CUL1: variants seen among roughly 807,000 people sequenced by gnomAD.
The protein encoded by CUL1 is cullin-1.
Under a neutral mutation model 118.0 loss-of-function variants are expected in CUL1, and 24 were observed. That is an observed-to-expected ratio of 0.20 (90% CI 0.15 to 0.29). The LOEUF is 0.29. CUL1 is among the 10% of genes least tolerant of loss of function. The pLI is 1.00. For synonymous variants in CUL1, 332 were observed against 340.4 expected (o/e 0.98, Z 0.27); for missense variants, 361 against 933.8 (o/e 0.39, Z 7.99).
intron 11 of CUL1, among the ~76,000 whole-genome samples, chr7:148,785,286 T>C (rs1800777531): frequency 6.6e-6 from 1 of 152,108 alleles, no homozygotes; most frequent in African/African-American, 2.4e-5. Context: ...CTTGGTTTCA[T>C]TTTAGGGGGC....
intron 2 of CUL1, among the ~76,000 whole-genome samples, chr7:148,730,972 T>G (rs1780413791): frequency 1.3e-5 from 2 of 152,146 alleles, no homozygotes; most frequent in South Asian, 4.1e-4. Flanking sequence ...CCACCACACC[T>G]GGCCAATTTT....
At chr7:148,756,588 C>T (rs946401821) in intron 3 of CUL1, among the ~76,000 whole-genome samples, 17 of 152,112 alleles carry the variant, frequency 1.1e-4, no homozygotes, top group African/African-American at 2.4e-4. Flanking sequence ...CTGCCCACCT[C>T]GGCCTCCCAA....
At chr7:148,763,024 G>A (rs1393406012) in intron 7 of CUL1, among the ~76,000 whole-genome samples, 1 of 152,124 alleles carries the variant, frequency 6.6e-6, no homozygotes, top group Admixed American at 6.5e-5. Context: ...GCGGACGCCT[G>A]TTATCCCAGC....
At position 148,760,526 on chromosome 7, in the gene CUL1, CTT is replaced by C. The variant is rs765252139; in HGVS notation, c.789+31_789+32del. 17 of 1,518,904 alleles carry C rather than the reference CTT, an allele frequency of 1.1e-5. No individual in the cohort carries two copies. The South Asian group carries it at 2.1e-4, about 19-fold the overall frequency. The allele number at this position is 1,518,904 out of a possible 1,614,324, so 94.1% of individuals were successfully genotyped here. A position where few individuals can be genotyped will look rare whatever the true frequency, so the allele number is the denominator to read the frequency against. ...GCTTAAATATAGTACTTTAAGTAGA[CTT>C]AAGTTAAAGTCATTGCTACTCAAGT... On this transcript the variant is annotated intron_variant, in intron 7 of 21. Coordinates refer to ENST00000325222, the MANE Select transcript of CUL1 (RefSeq NM_003592.3).
At chr7:148,783,718 A>G (rs772981919) in intron 9 of CUL1, 65 bp from the exon 10 acceptor site, 1 of 1,582,572 alleles carries the variant, frequency 6.3e-7, no homozygotes, top group Admixed American at 1.7e-5. Flanking sequence ...CATGCATTGT[A>G]TACCTTAATA....
chr7:148,766,667 A>G lies in CUL1; in HGVS notation c.896A>G (p.His299Arg). The change falls in exon 8 of 22, where the codon CAC becomes CGC. Residue 299 changes from histidine (H) to arginine (R), a missense_variant. His to Arg is a conservative substitution (Grantham distance 29, BLOSUM62 0). This residue lies in a region of CUL1 where 169 missense variants were observed against 429.7 expected (regional missense o/e 0.39). Transcript: ENST00000325222. Reference protein sequence around the residue: ...RKCEQVLIEKHLEIFHTEFQN... With the variant: ...RKCEQVLIEKRLEIFHTEFQN... ...TGTGAACAAGTCCTCATTGAAAAAC[A>G]CTTGGAAATTTTCCACACAGAATTT... is the stretch of plus-strand genomic sequence containing the variant. 1 of 1,613,730 alleles carries G rather than the reference A, an allele frequency of 6.2e-7. No homozygotes were observed. The highest frequency in any genetic ancestry group is 8.5e-7 in the Non-Finnish European group (1 of 1,179,902).
intron 21 of CUL1, among the ~76,000 whole-genome samples, chr7:148,799,965 C>G (rs1401962674): frequency 1.3e-5 from 2 of 152,012 alleles, no homozygotes; most frequent in East Asian, 3.9e-4. Flanking sequence ...AAAATGGTAA[C>G]TAAGCAGGAC....
chr7:148,755,931 G>A (rs955901508), intron 3 of CUL1, among the ~76,000 whole-genome samples: 2 of 152,158 alleles, frequency 1.3e-5, no homozygotes, highest in African/African-American at 4.8e-5. Flanking sequence ...CAGTGGGCTC[G>A]CCCCAGCCCT....
At chr7:148,752,753 A>G (rs1007691393) in intron 2 of CUL1, among the ~76,000 whole-genome samples, 1 of 152,144 alleles carries the variant, frequency 6.6e-6, no homozygotes, top group African/African-American at 2.4e-5. Flanking sequence ...GGTTCATGCC[A>G]TTCTCCTGCC....
chr7:148,729,905 T>C (rs918828141), intron 1 of CUL1, 57 bp from the exon 2 acceptor site: 7 of 491,830 alleles, frequency 1.4e-5, no homozygotes, highest in Non-Finnish European at 2.1e-5. Context: ...TCAGTGTGTC[T>C]CACCTTATTA....
Position 148,788,546 on chromosome 7 carries a change from G to A in CUL1, c.1480-11G>A. On this transcript the variant is annotated splice_polypyrimidine_tract_variant and intron_variant, in intron 13 of 21. Transcript: ENST00000325222. ...ACAAATTAATAAGACAGTCATCTGG[G>A]TTCTTCTCAGCAAGCTTGCGGGTTC... is the stretch of plus-strand genomic sequence containing the variant. 6.3e-7 allele frequency: 1 copy of A among 1,579,048 alleles called. No individual in the cohort carries two copies. The highest frequency in any genetic ancestry group is 8.7e-7 in the Non-Finnish European group (1 of 1,150,424).
intron 9 of CUL1, among the ~76,000 whole-genome samples, chr7:148,770,772 G>A (rs1270469065): frequency 1.3e-5 from 2 of 152,194 alleles, no homozygotes; most frequent in Non-Finnish European, 2.9e-5. Flanking sequence ...CTTATTGTAA[G>A]AAAGAAACAC....
chr7:148,781,086 T>TTTTTTTTTA, intron 9 of CUL1, among the ~76,000 whole-genome samples: 1 of 135,566 alleles, frequency 7.4e-6, no homozygotes, highest in South Asian at 2.5e-4. Context: ...CAGATTTTTT[T>TTTTTTTTTA]TTTTTTTTTT....
At chr7:148,717,514 T>C (rs551397630) in intron 1 of CUL1, among the ~76,000 whole-genome samples, 11 of 152,224 alleles carry the variant, frequency 7.2e-5, no homozygotes, top group African/African-American at 2.6e-4. Flanking sequence ...TTGTGTCGCC[T>C]GTGTCTTGGG....
chr7:148,774,184 C>T (rs561534362), intron 9 of CUL1, among the ~76,000 whole-genome samples: 1 of 152,286 alleles, frequency 6.6e-6, no homozygotes, highest in East Asian at 1.9e-4. Flanking sequence ...GCCTCGAAAT[C>T]GTTGTAGTCA....
At chr7:148,722,542 T>A (rs1452661290) in intron 1 of CUL1, among the ~76,000 whole-genome samples, 1 of 152,082 alleles carries the variant, frequency 6.6e-6, no homozygotes, top group Non-Finnish European at 1.5e-5. Flanking sequence ...GGGGTCCACC[T>A]CCTCCTCATG....
At chr7:148,798,955 G>A (rs1563173033) in intron 20 of CUL1, among the ~76,000 whole-genome samples, 1 of 152,200 alleles carries the variant, frequency 6.6e-6, no homozygotes. Context: ...GAGTTCTTCA[G>A]TGGGGAGGAT....
chr7:148,771,662 G>A (rs1413217462), intron 9 of CUL1, among the ~76,000 whole-genome samples: 2 of 152,166 alleles, frequency 1.3e-5, no homozygotes, highest in Non-Finnish European at 2.9e-5. Flanking sequence ...ATTGCACTGG[G>A]GCACCAGGAG....
upstream of CUL1, chr7:148,698,582 G>A (rs1797597444): frequency 6.6e-6 from 1 of 151,898 alleles, no homozygotes; most frequent in Non-Finnish European, 1.5e-5. Flanking sequence ...GGCCGCGGAA[G>A]GGGCGCCCCC....
Sources: allele counts gnomAD v4.1 joint callset (sites outside exome capture counted in the v4.1 genomes callset), GRCh38; gene constraint gnomAD v4.1.1; regional missense constraint gnomAD v4.1.1; transcripts MANE v1.5; gene names NCBI Gene and HGNC (gene_info 2026-07-23, HGNC 2026-07-21).